The following SLC25A23 variants were observed in gnomAD, a reference collection of about 807,000 sequenced individuals.
SLC25A23 encodes mitochondrial adenyl nucleotide antiporter SLC25A23.
In SLC25A23, 32 loss-of-function variants were observed where a neutral mutation model predicts 53.9. That is an observed-to-expected ratio of 0.59 (90% CI 0.45 to 0.80). The LOEUF is 0.80. SLC25A23 is among the 30% of genes least tolerant of loss of function. The pLI, the probability that SLC25A23 is intolerant of heterozygous loss-of-function variation, is 0.00. For missense variants in SLC25A23, 575 were observed against 651.4 expected (o/e 0.88, Z 1.28); for synonymous variants, 275 against 264.5 (o/e 1.04, Z -0.38).
At chr19:6,453,682 A>G (rs1331091509) in intron 7 of SLC25A23, among the ~76,000 whole-genome samples, 1 of 152,192 alleles carries the variant, frequency 6.6e-6, no homozygotes, top group Admixed American at 6.5e-5. Flanking sequence ...GGTGACACCT[A>G]GACACGACGT....
In SLC25A23 at chr19:6,444,033, G is replaced by A. The variant is rs764437622; in HGVS notation, c.1222+118C>T. 121 of 1,105,088 alleles carry A rather than the reference G, an allele frequency of 1.1e-4. 2 individuals are homozygous for A. Among genetic ancestry groups the A allele is most frequent in the South Asian group, 8.2e-4 (46 of 56,162 alleles). The allele number at this position is 1,105,088 out of a possible 1,614,324, so 68.5% of individuals were successfully genotyped here. A position where few individuals can be genotyped will look rare whatever the true frequency, so the allele number is the denominator to read the frequency against. On this transcript the variant is annotated intron_variant, in intron 9 of 9. Coordinates refer to ENST00000301454, the MANE Select transcript of SLC25A23 (RefSeq NM_024103.3). ...ATTTCAATGTCACAAATGGGGAAAC[G>A]GAGGCCCAGAGAAGCCCATCGAAAT...
intron 8 of SLC25A23, 30 bp from the exon 9 acceptor site, chr19:6,444,331 GGGGT>G: frequency 6.5e-7 from 1 of 1,536,956 alleles, no homozygotes; most frequent in Non-Finnish European, 8.9e-7. Flanking sequence ...AGGGAGGGTT[GGGGT>G]GGGTGACCCT....
chr19:6,443,625 G>A, intron 9 of SLC25A23: 2 of 702,646 alleles, frequency 2.8e-6, no homozygotes, highest in Non-Finnish European at 5.2e-6. Context: ...CTATGAGGGT[G>A]GGGACCGTGT....
chr19:6,448,628 G>A (rs55860993), intron 8 of SLC25A23, among the ~76,000 whole-genome samples: 1 of 150,520 alleles, frequency 6.6e-6, no homozygotes, highest in East Asian at 2.1e-4. Flanking sequence ...CCACCACCAC[G>A]CCCAGCTATT....
At chr19:6,445,892 AACAAACAAACAC>A (rs2092496169) in intron 8 of SLC25A23, among the ~76,000 whole-genome samples, 1 of 149,070 alleles carries the variant, frequency 6.7e-6, no homozygotes, top group Non-Finnish European at 1.5e-5. Context: ...TCTCTACAAA[AACAAACAAACAC>A]ACAAACAAAC....
At chr19:6,438,414 A>AC (rs1479404485), downstream of SLC25A23, 2 of 152,618 alleles carry the variant, frequency 1.3e-5, no homozygotes, top group African/African-American at 4.8e-5. Context: ...TCTATCATAA[A>AC]CCAAGGAACA....
At chr19:6,436,361 G>A, downstream of SLC25A23, 1 of 454,316 alleles carries the variant, frequency 2.2e-6, no homozygotes, top group Non-Finnish European at 4.4e-6. Context: ...GTGAGATGTT[G>A]GCCAGGACAG....
rs1568374252 is a variant in SLC25A23 at position 6,454,434 on chromosome 19, C to T, written c.684G>A (p.Gly228=). 1.9e-6 allele frequency: 3 copies of T among 1,614,132 alleles called. No homozygotes were observed. The highest frequency in any genetic ancestry group is 1.1e-5 in the South Asian group (1 of 91,088). ...CTCCCTCAAGGACCATGCTTCGAAG[C>T]CCCCCAAGGATGTTCAGCCGGTTGG... ...SKTNRLNILG[G]LRSMVLEGGI... Residue 228 remains glycine, a synonymous_variant, in exon 6 of 10, where the codon GGG becomes GGA. Transcript: ENST00000301454. The surrounding 1 kb of genome is among the most constrained non-coding windows in gnomAD (Gnocchi z 4.3).
At chr19:6,445,914 CAAACAAACA>C (rs1185093223) in intron 8 of SLC25A23, among the ~76,000 whole-genome samples, 1 of 138,782 alleles carries the variant, frequency 7.2e-6, no homozygotes, top group African/African-American at 3.4e-5. Context: ...CACAAACAAA[CAAACAAACA>C]AAAAAAAACT....
intron 9 of SLC25A23, 21 bp from the exon 10 acceptor site, chr19:6,442,180 C>G (rs76219436): frequency 0.021 from 30,396 of 1,419,906 alleles, 885 homozygotes; most frequent in African/African-American, 0.12. Flanking sequence ...GCGGGGGGGG[C>G]ACCAGGTAAG....
In SLC25A23 at chr19:6,452,591, G is replaced by A. The variant is rs557574201; in HGVS notation, c.904-112C>T. 3.0e-4 allele frequency: 396 copies of A among 1,318,560 alleles called. 1 individual carries two copies. The African/African-American group carries it at 5.0e-3, about 17-fold the overall frequency. The allele number at this position is 1,318,560 out of a possible 1,614,324, so 81.7% of individuals were successfully genotyped here. On this transcript the variant is annotated intron_variant, in intron 7 of 9. Transcript: ENST00000301454. ...GAAAACAGATGCCCTGAGAACAACC[G>A]AATTTTAAAAACCACCTACTCTAGA...
intron 8 of SLC25A23, among the ~76,000 whole-genome samples, chr19:6,449,212 A>G (rs1046739623): frequency 5.9e-5 from 9 of 151,826 alleles, no homozygotes; most frequent in African/African-American, 2.2e-4. Context: ...TAAAGAATGC[A>G]TTAAATAATA....
chr19:6,458,105 C>T (rs1212378579), intron 2 of SLC25A23, 93 bp downstream of exon 2: 3 of 1,482,530 alleles, frequency 2.0e-6, no homozygotes, highest in Non-Finnish European at 2.7e-6. Flanking sequence ...CTCCCCCTCT[C>T]CTCCTAGCGC....
chr19:6,453,762 CA>C lies in SLC25A23; in HGVS notation c.903+218del, dbSNP rs1488227060. Among the ~76,000 whole-genome samples, 9 of 152,322 alleles carry C rather than the reference CA, an allele frequency of 5.9e-5. No individual in the cohort carries two copies. In the East Asian group the frequency reaches 1.7e-3, roughly 29 times the overall value. ...ACAGCTGGCTCCTATGACTACCATC[CA>C]AACAAGGATAACCGACACTACCTTC... On this transcript the variant is annotated intron_variant, in intron 7 of 9. Coordinates refer to ENST00000301454, the MANE Select transcript of SLC25A23 (RefSeq NM_024103.3).
At chr19:6,437,259 C>T (rs544420142), downstream of SLC25A23, among the ~76,000 whole-genome samples, 127 of 152,208 alleles carry the variant, frequency 8.3e-4, no homozygotes, top group African/African-American at 2.8e-3. Flanking sequence ...CCTCCCACCC[C>T]GACCTCCCAA....
Position 6,441,873 on chromosome 19 carries a change from G to T in SLC25A23, c.*102C>A. On this transcript the variant is annotated 3_prime_UTR_variant, in exon 10 of 10. Coordinates refer to ENST00000301454, the MANE Select transcript of SLC25A23 (RefSeq NM_024103.3). ...GTCTAGGATCCAGGATCTGGGTACT[G>T]GGATCTCGTGGCCAAAGAGTAGGGA... is the stretch of plus-strand genomic sequence containing the variant. 9.0e-7 allele frequency: 1 copy of T among 1,112,008 alleles called. No individual in the cohort carries two copies. The highest frequency in any genetic ancestry group is 1.5e-5 in the African/African-American group (1 of 64,792). The allele number at this position is 1,112,008 out of a possible 1,614,324, so 68.9% of individuals were successfully genotyped here.
intron 9 of SLC25A23, chr19:6,443,580 A>G: frequency 1.4e-6 from 1 of 702,802 alleles, no homozygotes. Context: ...AGAATGATTT[A>G]TTTAGCATCT....
downstream of SLC25A23, among the ~76,000 whole-genome samples, chr19:6,437,005 T>C (rs1382435238): frequency 6.6e-6 from 1 of 151,366 alleles, no homozygotes; most frequent in African/African-American, 2.4e-5. Flanking sequence ...TGTGACACCA[T>C]GCCCGGCTAA....
rs765948848 is a variant in SLC25A23, at chr19:6,452,467, G to A, written c.916C>T (p.Arg306Trp). 6.2e-7 allele frequency: 1 copy of A among 1,604,676 alleles called. No individual in the cohort carries two copies. The highest frequency in any genetic ancestry group is 2.2e-5 in the East Asian group (1 of 44,536). Residue 306 changes from arginine to tryptophan, a missense_variant, in exon 8 of 10, where the codon CGG (arginine) becomes TGG (tryptophan). Physicochemically the swap from Arg to Trp is moderately radical, Grantham distance 101. Coordinates refer to ENST00000301454, the MANE Select transcript of SLC25A23 (RefSeq NM_024103.3). Reference protein sequence around the residue: ...IIYPMEVLKTRLTLRRTGQYK... With the variant: ...IIYPMEVLKTWLTLRRTGQYK... ...TGGCCCGTCCGGCGCAAGGTCAGCC[G>A]CGTCTTCAGCACCTGGGGAGAACCT...
Sources: allele counts gnomAD v4.1 joint callset (sites outside exome capture counted in the v4.1 genomes callset), GRCh38; gene constraint gnomAD v4.1.1; non-coding constraint Gnocchi (gnomAD v3.1); transcripts MANE v1.5; gene names NCBI Gene and HGNC (gene_info 2026-07-23, HGNC 2026-07-21).